Variants in SKAP1 observed in about 807,000 individuals in gnomAD.
SKAP1 encodes src kinase-associated phosphoprotein 1.
Under a neutral mutation model 58.5 loss-of-function variants are expected in SKAP1, and 44 were observed. The ratio of observed to expected loss-of-function variants is 0.75; its 90% CI spans 0.59 to 0.97. SKAP1 has a LOEUF of 0.97. SKAP1 is among the 50% of genes least tolerant of loss of function. The pLI is 0.00. For missense variants in SKAP1, 390 were observed against 435.2 expected, an observed-to-expected ratio of 0.90 and a Z score of 0.92; for synonymous variants, 127 against 149.7, an observed-to-expected ratio of 0.85 and a Z score of 1.11.
upstream of SKAP1, among the ~76,000 whole-genome samples, chr17:48,431,708 G>A (rs1382314863): frequency 6.6e-6 from 1 of 152,146 alleles, no homozygotes; most frequent in African/African-American, 2.4e-5. Flanking sequence ...TTCCTTCTTT[G>A]TAAAAAATGG....
chr17:48,360,285 T>C (rs1279521412), intron 3 of SKAP1, among the ~76,000 whole-genome samples: 1 of 152,154 alleles, frequency 6.6e-6, no homozygotes, highest in Non-Finnish European at 1.5e-5. Context: ...AGCAAATAAA[T>C]TTTGAATTAT....
At chr17:48,157,023 A>G (rs1265067271) in intron 11 of SKAP1, among the ~76,000 whole-genome samples, 2 of 152,364 alleles carry the variant, frequency 1.3e-5, no homozygotes, top group African/African-American at 2.4e-5. Context: ...TACTTCCTAC[A>G]TGCCAGGCAC....
chr17:48,254,469 G>T (rs2065401064), intron 4 of SKAP1, among the ~76,000 whole-genome samples: 1 of 151,938 alleles, frequency 6.6e-6, no homozygotes, highest in Non-Finnish European at 1.5e-5. Flanking sequence ...AAGCAATCAT[G>T]TCTGCATGGG....
chr17:48,379,108 T>A (rs945752665), intron 2 of SKAP1, among the ~76,000 whole-genome samples: 4 of 152,124 alleles, frequency 2.6e-5, no homozygotes, highest in African/African-American at 9.7e-5. Flanking sequence ...TAAGAAAGCT[T>A]TGTTAAATTG....
At chr17:48,260,930 ATTC>A (rs1188602073) in intron 4 of SKAP1, among the ~76,000 whole-genome samples, 9 of 152,188 alleles carry the variant, frequency 5.9e-5, no homozygotes, top group Admixed American at 5.9e-4. Context: ...TGCCTGGAAC[ATTC>A]TTCTTCTGTT....
chr17:48,257,015 A>G (rs1263695256), intron 4 of SKAP1, among the ~76,000 whole-genome samples: 1 of 152,116 alleles, frequency 6.6e-6, no homozygotes, highest in Non-Finnish European at 1.5e-5. Flanking sequence ...CAAGGATGAT[A>G]CTAAAGAACT....
At chr17:48,442,457 C>T in the SKAP1 span, among the ~76,000 whole-genome samples, 26 of 152,258 alleles carry the variant, frequency 1.7e-4, no homozygotes, top group African/African-American at 5.3e-4. Flanking sequence ...GCTCACTCCA[C>T]TCACTGAAGC....
At chr17:48,147,191 C>CA (rs773975206) in intron 11 of SKAP1, among the ~76,000 whole-genome samples, 33 of 152,234 alleles carry the variant, frequency 2.2e-4, no homozygotes, top group East Asian at 1.3e-3. Flanking sequence ...TTCAAGAGAA[C>CA]AGTCTATCAG....
chr17:48,325,379 T>A (rs530410921), intron 4 of SKAP1, among the ~76,000 whole-genome samples: 71 of 152,296 alleles, frequency 4.7e-4, no homozygotes, highest in Middle Eastern at 3.4e-3. Flanking sequence ...TATGACCATT[T>A]ATGCTCCTCA....
upstream of SKAP1, among the ~76,000 whole-genome samples, chr17:48,430,437 A>G (rs560730889): frequency 1.3e-5 from 2 of 152,266 alleles, no homozygotes; most frequent in African/African-American, 4.8e-5. Context: ...ACCCACCAAA[A>G]CAAAAGACTT....
At chr17:48,351,482 C>CT (rs2066800421) in intron 3 of SKAP1, among the ~76,000 whole-genome samples, 1 of 151,022 alleles carries the variant, frequency 6.6e-6, no homozygotes, top group South Asian at 2.1e-4. Context: ...ATAAATATTC[C>CT]TTTTTTCCCC....
upstream of SKAP1, chr17:48,430,403 A>T (rs867563461): frequency 8.7e-5 from 18 of 207,648 alleles, no homozygotes; most frequent in Middle Eastern, 1.7e-3. Context: ...GCACCGTGCG[A>T]GGCCAAAGGT....
intron 2 of SKAP1, among the ~76,000 whole-genome samples, chr17:48,375,630 C>T (rs2067140894): frequency 6.6e-6 from 1 of 152,178 alleles, no homozygotes; most frequent in African/African-American, 2.4e-5. Flanking sequence ...TCTACACAAT[C>T]CCCATACTTC....
chr17:48,349,067 C>A (rs2066761332), intron 3 of SKAP1, among the ~76,000 whole-genome samples: 1 of 152,188 alleles, frequency 6.6e-6, no homozygotes, highest in African/African-American at 2.4e-5. Flanking sequence ...TGGGCACACA[C>A]AGAAACAAGG....
At chr17:48,144,044 A>G in intron 11 of SKAP1, among the ~76,000 whole-genome samples, 1 of 152,182 alleles carries the variant, frequency 6.6e-6, no homozygotes, top group Admixed American at 6.5e-5. Flanking sequence ...CCGACTGCAG[A>G]TGTAGAAGCC....
At chr17:48,403,073 AATGAAGCTG>A (rs2067521546) in intron 1 of SKAP1, among the ~76,000 whole-genome samples, 2 of 152,152 alleles carry the variant, frequency 1.3e-5, no homozygotes, top group Non-Finnish European at 2.9e-5. Flanking sequence ...ATTATATCTC[AATGAAGCTG>A]TTTAAAAAAA....
At chr17:48,214,829 G>A (rs1431169738) in intron 4 of SKAP1, among the ~76,000 whole-genome samples, 1 of 151,646 alleles carries the variant, frequency 6.6e-6, no homozygotes, top group African/African-American at 2.4e-5. Flanking sequence ...GGCTGAGGCA[G>A]GAGAATTGCT....
chr17:48,193,723 C>T, intron 4 of SKAP1: 1 of 984,704 alleles, frequency 1.0e-6, no homozygotes, highest in African/African-American at 1.8e-5. Context: ...ACAGTGTTAG[C>T]CATGCCATGG....
chr17:48,378,184 G>T (rs1234364782), intron 2 of SKAP1, among the ~76,000 whole-genome samples: 3 of 152,040 alleles, frequency 2.0e-5, no homozygotes, highest in Non-Finnish European at 4.4e-5. Context: ...CATCGCAAAC[G>T]GTCCATCTGC....
Sources: allele counts gnomAD v4.1 joint callset (sites outside exome capture counted in the v4.1 genomes callset), GRCh38; gene constraint gnomAD v4.1.1; transcripts MANE v1.5; gene names NCBI Gene and HGNC (gene_info 2026-07-23, HGNC 2026-07-21).